GRID2: variants seen among roughly 807,000 people sequenced by gnomAD.
GRID2 encodes glutamate receptor ionotropic, delta-2.
GRID2 carries 33 observed loss-of-function variants against 114.8 expected under a neutral mutation model. The ratio of observed to expected loss-of-function variants is 0.29; its 90% confidence interval spans 0.22 to 0.38. The LOEUF (loss-of-function observed/expected upper bound fraction) is 0.38, where lower values mean the gene tolerates loss of function less well. GRID2 is among the 10% of genes least tolerant of loss of function. The pLI, the probability that GRID2 is intolerant of heterozygous loss-of-function variation, is 1.00. For missense variants in GRID2, 1,184 were observed against 1,257.7 expected (o/e 0.94, Z 0.89); for synonymous variants, 505 against 449.9 (o/e 1.12, Z -1.55).
intron 2 of GRID2, among the ~76,000 whole-genome samples, chr4:92,898,336 AC>A (rs2149477466): frequency 6.6e-6 from 1 of 152,252 alleles, no homozygotes; most frequent in South Asian, 2.1e-4. Flanking sequence ...CATATATAGA[AC>A]CTAGCTCTGA....
chr4:92,675,730 A>G (rs1289788933), intron 2 of GRID2, among the ~76,000 whole-genome samples: 1 of 151,472 alleles, frequency 6.6e-6, no homozygotes. Flanking sequence ...TTGTTTTTGT[A>G]TTTTTAGTAA....
intron 12 of GRID2, among the ~76,000 whole-genome samples, chr4:93,494,203 C>T (rs1560679319): frequency 1.3e-5 from 2 of 151,774 alleles, no homozygotes; most frequent in Admixed American, 6.6e-5. Flanking sequence ...ATAAGATTTG[C>T]TCATCACCAA....
intron 4 of GRID2, among the ~76,000 whole-genome samples, chr4:93,165,606 A>G (rs989732119): frequency 2.0e-5 from 3 of 152,138 alleles, no homozygotes; most frequent in Admixed American, 2.0e-4. Flanking sequence ...CTAAGAGCAG[A>G]GTCCCAAAGG....
At chr4:92,660,850 G>T (rs1732479784) in intron 2 of GRID2, among the ~76,000 whole-genome samples, 1 of 151,002 alleles carries the variant, frequency 6.6e-6, no homozygotes, top group Non-Finnish European at 1.5e-5. Context: ...TAGCATTTGT[G>T]CCAAGAAAAA....
intron 2 of GRID2, among the ~76,000 whole-genome samples, chr4:93,044,469 A>G (rs1725932951): frequency 6.6e-6 from 1 of 152,168 alleles, no homozygotes; most frequent in Admixed American, 6.6e-5. Flanking sequence ...GAAAGAAGAA[A>G]TCTTTTTTAA....
chr4:93,736,706 G>C (rs1368742609), intron 14 of GRID2, among the ~76,000 whole-genome samples: 3 of 151,960 alleles, frequency 2.0e-5, no homozygotes, highest in South Asian at 4.2e-4. Flanking sequence ...AGAAGCGATA[G>C]TGATCCATTA....
chr4:93,656,150 GATTCTAGGAGTCAATT>G (rs1398117188), intron 14 of GRID2, among the ~76,000 whole-genome samples: 1 of 151,418 alleles, frequency 6.6e-6, no homozygotes, highest in East Asian at 1.9e-4. Context: ...AAAAATAATT[GATTCTAGGAGTCAATT>G]ATTTTTTCTG....
chr4:93,022,298 CT>C (rs200693764), intron 2 of GRID2, among the ~76,000 whole-genome samples: 8 of 150,644 alleles, frequency 5.3e-5, no homozygotes, highest in Admixed American at 2.0e-4. Context: ...AGAATCAGCT[CT>C]TTTTTTTTAG....
At chr4:93,372,082 C>T (rs1433766891) in intron 8 of GRID2, among the ~76,000 whole-genome samples, 1 of 152,146 alleles carries the variant, frequency 6.6e-6, no homozygotes, top group East Asian at 1.9e-4. Context: ...AGTACATATA[C>T]ACTTTATATT....
intron 14 of GRID2, among the ~76,000 whole-genome samples, chr4:93,748,708 T>C (rs1732058283): frequency 4.8e-4 from 1 of 2,080 alleles, no homozygotes. Flanking sequence ...CCCAAAAAAA[T>C]AATGTGTGCC....
At chr4:92,966,337 G>GCCAAAAAGGATAAGGTGGACC (rs1560753103) in intron 2 of GRID2, among the ~76,000 whole-genome samples, 2 of 151,974 alleles carry the variant, frequency 1.3e-5, no homozygotes, top group African/African-American at 4.8e-5. Context: ...CGACCCTTCG[G>GCCAAAAAGGATAAGGTGGACC]CCAAAAAGGA....
At chr4:92,690,743 G>T (rs1238693375) in intron 2 of GRID2, among the ~76,000 whole-genome samples, 1 of 151,820 alleles carries the variant, frequency 6.6e-6, no homozygotes, top group Non-Finnish European at 1.5e-5. Context: ...CACCCCATGA[G>T]AAATTCAATA....
intron 8 of GRID2, among the ~76,000 whole-genome samples, chr4:93,253,425 T>G (rs1749206863): frequency 6.6e-6 from 1 of 152,128 alleles, no homozygotes; most frequent in Non-Finnish European, 1.5e-5. Flanking sequence ...AAAATTAATA[T>G]TAGATCGTTT....
At chr4:93,675,255 C>T (rs1019025577) in intron 14 of GRID2, among the ~76,000 whole-genome samples, 1 of 152,048 alleles carries the variant, frequency 6.6e-6, no homozygotes, top group Middle Eastern at 3.4e-3. Context: ...GAGTAACTTG[C>T]CAAAGACCTT....
chr4:92,685,808 T>C (rs1733870599), intron 2 of GRID2, among the ~76,000 whole-genome samples: 1 of 152,044 alleles, frequency 6.6e-6, no homozygotes, highest in South Asian at 2.1e-4. Flanking sequence ...ATTTAGGCAG[T>C]CCTTGGAACT....
intron 3 of GRID2, among the ~76,000 whole-genome samples, chr4:93,093,963 A>G (rs942532407): frequency 6.6e-6 from 1 of 152,048 alleles, no homozygotes; most frequent in African/African-American, 2.4e-5. Context: ...GTCTACTCCA[A>G]GCTCTATATC....
chr4:92,596,580 C>A (rs1226326144), intron 2 of GRID2, among the ~76,000 whole-genome samples: 1 of 151,844 alleles, frequency 6.6e-6, no homozygotes, highest in African/African-American at 2.4e-5. Flanking sequence ...AAAGACTGGG[C>A]CACAAGGTCT....
At chr4:92,779,204 GTGTGTA>G (rs892627181) in intron 2 of GRID2, among the ~76,000 whole-genome samples, 9 of 151,536 alleles carry the variant, frequency 5.9e-5, no homozygotes, top group South Asian at 2.1e-4. Context: ...GTGTGTGTGT[GTGTGTA>G]TGTGTGTGTG....
At chr4:93,096,735 T>C (rs1389369217) in intron 3 of GRID2, among the ~76,000 whole-genome samples, 1 of 151,990 alleles carries the variant, frequency 6.6e-6, no homozygotes, top group East Asian at 1.9e-4. Flanking sequence ...ATGTAAAACA[T>C]ACAGCCACTT....
Sources: gnomAD v4.1 joint callset for allele counts (sites outside exome capture counted in the v4.1 genomes callset) on GRCh38, gnomAD v4.1.1 for gene constraint, MANE v1.5 for transcripts, NCBI Gene and HGNC (gene_info 2026-07-23, HGNC 2026-07-21) for gene names.